The following TM9SF4 variants were observed in gnomAD, a reference collection of about 807,000 sequenced individuals.
TM9SF4 encodes dinucleotide oxidase disulfide thiol exchanger 3 superfamily member 4.
In TM9SF4, 26 loss-of-function variants were observed where a neutral mutation model predicts 90.4. The ratio of observed to expected loss-of-function variants is 0.29; its 90% CI spans 0.21 to 0.40. The LOEUF (loss-of-function observed/expected upper bound fraction) is 0.40, where lower values mean the gene tolerates loss of function less well. Ranked by LOEUF, TM9SF4 falls within the 10% of genes least tolerant of loss-of-function variation. The pLI is 1.00. For missense variants in TM9SF4, 549 were observed against 834.8 expected (o/e 0.66, Z 4.22); for synonymous variants, 293 against 315.4 (o/e 0.93, Z 0.75).
chr20:32,155,250 T>G (rs1454441790), intron 13 of TM9SF4, 64 bp downstream of exon 13: 16 of 1,385,330 alleles, frequency 1.2e-5, no homozygotes, highest in Non-Finnish European at 1.5e-5. Flanking sequence ...CACTCAGCCC[T>G]ACTCCCAAAA....
rs1205715903 is a variant in TM9SF4 at position 32,161,377 on chromosome 20, C to T, written c.1779+12C>T. 1.2e-6 allele frequency: 2 copies of T among 1,612,276 alleles called. No homozygotes were observed. Among genetic ancestry groups the T allele is most frequent in the East Asian group, 2.2e-5 (1 of 44,878 alleles). On this transcript the variant is annotated intron_variant, in intron 17 of 17. Transcript: ENST00000398022. ...ATTTCGTTAACAAGGTACTGCCCTCCTTGAGGAGGTCCTCTTAGTCCTCAT... is the reference window on the plus strand; with the variant it reads ...ATTTCGTTAACAAGGTACTGCCCTCTTTGAGGAGGTCCTCTTAGTCCTCAT...
rs2046124838 is a variant in TM9SF4 at position 32,110,356 on chromosome 20, C to T, written c.15+601C>T. Among the ~76,000 whole-genome samples, 3 of 152,146 alleles carry T rather than the reference C, an allele frequency of 2.0e-5. No individual in the cohort carries two copies. In the South Asian group the frequency reaches 6.2e-4, roughly 32 times the overall value. On this transcript the variant is annotated intron_variant, in intron 1 of 17. Transcript: ENST00000398022. Reference sequence around the variant, plus strand: ...TTTCATCCCTAGAGGCTTCCCTGCCCTTCCTGTCTTCTCTCAGTCAACTCC... The same window carrying T: ...TTTCATCCCTAGAGGCTTCCCTGCCTTTCCTGTCTTCTCTCAGTCAACTCC...
chr20:32,148,372 T>C (rs886885946), intron 9 of TM9SF4, among the ~76,000 whole-genome samples: 9 of 152,132 alleles, frequency 5.9e-5, no homozygotes, highest in African/African-American at 1.9e-4. Context: ...ATACCACCCA[T>C]GGAAGTATAA....
intron 10 of TM9SF4, 76 bp downstream of exon 10, chr20:32,149,842 T>C (rs931259779): frequency 1.3e-6 from 2 of 1,578,200 alleles, no homozygotes; most frequent in Non-Finnish European, 1.7e-6. Context: ...AAGGGTGGGC[T>C]TCCCTCCCTG....
chr20:32,113,976 T>G (rs1289659169), intron 1 of TM9SF4, among the ~76,000 whole-genome samples: 9 of 152,262 alleles, frequency 5.9e-5, no homozygotes, highest in Admixed American at 5.9e-4. Context: ...TGTTGTATCA[T>G]GTATCAGTAG....
chr20:32,153,919 G>A (rs546558207), intron 12 of TM9SF4, among the ~76,000 whole-genome samples: 2 of 152,288 alleles, frequency 1.3e-5, no homozygotes, highest in South Asian at 4.1e-4. Flanking sequence ...GTACCTTCAG[G>A]AGGCTGGGTG....
At chr20:32,150,388 G>A (rs1313960553) in intron 10 of TM9SF4, among the ~76,000 whole-genome samples, 1 of 152,216 alleles carries the variant, frequency 6.6e-6, no homozygotes, top group Non-Finnish European at 1.5e-5. Context: ...TTGAGATTTG[G>A]CCAGCCAAGG....
chr20:32,122,455 G>A (rs1230233868), intron 1 of TM9SF4, among the ~76,000 whole-genome samples: 3 of 151,260 alleles, frequency 2.0e-5, no homozygotes, highest in South Asian at 2.1e-4. Flanking sequence ...CATACGGGGC[G>A]GCTGCCGGGC....
intron 1 of TM9SF4, among the ~76,000 whole-genome samples, chr20:32,125,800 C>CT (rs1368399878): frequency 4.0e-5 from 6 of 149,434 alleles, no homozygotes; most frequent in Non-Finnish European, 5.9e-5. Flanking sequence ...TCCCCAGTAG[C>CT]TGGGGCTACA....
At chr20:32,160,181 C>T in intron 16 of TM9SF4, 70 bp downstream of exon 16, 1 of 1,604,794 alleles carries the variant, frequency 6.2e-7, no homozygotes, top group Non-Finnish European at 8.5e-7. Flanking sequence ...TGATGAGGCT[C>T]TGCGGAGAGG....
At chr20:32,123,890 T>A (rs2046380176) in intron 1 of TM9SF4, among the ~76,000 whole-genome samples, 1 of 141,362 alleles carries the variant, frequency 7.1e-6, no homozygotes, top group African/African-American at 2.7e-5. Context: ...AGAGATAGGG[T>A]CTCCCTCTGT....
chr20:32,122,728 G>T (rs920162711), intron 1 of TM9SF4, among the ~76,000 whole-genome samples: 66 of 152,200 alleles, frequency 4.3e-4, no homozygotes, highest in African/African-American at 1.3e-3. Context: ...CAGACGATGG[G>T]TGGCCAGGCA....
intron 15 of TM9SF4, among the ~76,000 whole-genome samples, 190 bp downstream of exon 15, chr20:32,158,704 T>C (rs1445316354): frequency 6.6e-6 from 1 of 152,138 alleles, no homozygotes; most frequent in African/African-American, 2.4e-5. Context: ...GAAATGAGGC[T>C]GGGCGCGGTG....
intron 8 of TM9SF4, among the ~76,000 whole-genome samples, chr20:32,145,889 T>G (rs1358811593): frequency 6.6e-6 from 1 of 152,112 alleles, no homozygotes; most frequent in Admixed American, 6.5e-5. Flanking sequence ...CTGAGGAAAG[T>G]GTGAAGGCTC....
rs541477044 is a variant in TM9SF4 at position 32,147,726 on chromosome 20, A to G, written c.954+871A>G. Among the ~76,000 whole-genome samples, 35 of 151,966 alleles carry G rather than the reference A, an allele frequency of 2.3e-4. No homozygotes were observed. In the East Asian group the frequency reaches 4.6e-3, roughly 20 times the overall value. ...AAATTAGCTGGGTGTGGTGGCATGC[A>G]CCTGCAATCCCAGCTACTCAGGAGG... is the stretch of plus-strand genomic sequence containing the variant. On this transcript the variant is annotated intron_variant, in intron 9 of 17. Transcript: ENST00000398022.
At position 32,126,068 on chromosome 20, in the gene TM9SF4, AACAC is replaced by A. The variant is rs71185382; in HGVS notation, c.16-6909_16-6906del. On this transcript the variant is annotated intron_variant, in intron 1 of 17. Coordinates refer to ENST00000398022, the MANE Select transcript of TM9SF4 (RefSeq NM_014742.4). ...GCTGCACACAGCCCTCTTTCCCGTA[AACAC>A]ACACACACACACACACACACACACA... Among the ~76,000 whole-genome samples, 491 of 138,664 alleles carry A rather than the reference AACAC, an allele frequency of 3.5e-3. 4 individuals carry two copies. The highest frequency in any genetic ancestry group is 0.011 in the South Asian group (46 of 4,260). 91.0% of individuals were successfully genotyped at this position (138,664 alleles called of 152,430 possible). A position where few individuals can be genotyped will look rare whatever the true frequency, so the allele number is the denominator to read the frequency against.
chr20:32,158,343 C>A (rs924834720), intron 14 of TM9SF4, 108 bp from the exon 15 acceptor site: 2 of 1,056,682 alleles, frequency 1.9e-6, no homozygotes, highest in African/African-American at 1.6e-5. Flanking sequence ...GAAGAATTAG[C>A]ACCACCACAC....
At chr20:32,128,945 A>G (rs1379903744) in intron 1 of TM9SF4, among the ~76,000 whole-genome samples, 1 of 152,066 alleles carries the variant, frequency 6.6e-6, no homozygotes, top group Non-Finnish European at 1.5e-5. Flanking sequence ...ATACCAAGCT[A>G]GGATTACTCT....
chr20:32,141,217 A>AAAG lies in TM9SF4; in HGVS notation c.230-278_230-277insGAA, dbSNP rs1491298485. 4.9e-4 allele frequency among the ~76,000 whole-genome samples: 51 copies of AAAG among 103,656 alleles called. 2 individuals carry two copies. In the Middle Eastern group the frequency reaches 0.023, roughly 46 times the overall value. The allele number at this position is 103,656 out of a possible 152,430, so 68.0% of individuals were successfully genotyped here. On this transcript the variant is annotated intron_variant, in intron 3 of 17. Coordinates refer to ENST00000398022, the MANE Select transcript of TM9SF4 (RefSeq NM_014742.4). ...GGGTGACAGAGCGAGACTCCATCTC[A>AAAG]AAAAAAAAAAAAAAAAAAAAAAAAG...
Sources: gnomAD v4.1 joint callset for allele counts (sites outside exome capture counted in the v4.1 genomes callset) on GRCh38, gnomAD v4.1.1 for gene constraint, MANE v1.5 for transcripts, NCBI Gene and HGNC (gene_info 2026-07-23, HGNC 2026-07-21) for gene names.